NCOR2: variants seen among roughly 807,000 people sequenced by gnomAD.
The protein encoded by NCOR2 is nuclear receptor corepressor 2.
NCOR2 carries 81 observed loss-of-function variants against 262.9 expected under a neutral mutation model. That is an observed-to-expected ratio of 0.31 (90% CI 0.26 to 0.37). The LOEUF is 0.37. Among genes scored for constraint, NCOR2 ranks in the 10% least tolerant of loss-of-function variants. NCOR2 has a pLI of 1.00. For synonymous variants in NCOR2, 1,659 were observed against 1,559.3 expected, an observed-to-expected ratio of 1.06 and a Z score of -1.51; for missense variants, 3,385 against 3,621.4, an observed-to-expected ratio of 0.93 and a Z score of 1.68.
chr12:124,448,400 T>C (rs551394127), intron 7 of NCOR2, among the ~76,000 whole-genome samples: 464 of 152,290 alleles, frequency 3.0e-3, no homozygotes, highest in Non-Finnish European at 4.9e-3. Flanking sequence ...GGGCAATGAA[T>C]GAGCCCGCCA....
intron 37 of NCOR2, 102 bp downstream of exon 39, chr12:124,339,904 C>CCCCAACCCAAAAACA: frequency 1.3e-6 from 1 of 776,828 alleles, no homozygotes; most frequent in Non-Finnish European, 2.0e-6. Context: ...CCCACCCACC[C>CCCCAACCCAAAAACA]ACCTCCCATA....
chr12:124,530,777 C>T (rs1269088785), intron 1 of NCOR2, among the ~76,000 whole-genome samples: 3 of 152,184 alleles, frequency 2.0e-5, no homozygotes, highest in Admixed American at 2.0e-4. Flanking sequence ...AGAAAACTGC[C>T]AAGTAAAATG....
At chr12:124,558,261 C>T (rs898910048) in intron 1 of NCOR2, among the ~76,000 whole-genome samples, 5 of 121,142 alleles carry the variant, frequency 4.1e-5, no homozygotes, top group Non-Finnish European at 7.3e-5. Flanking sequence ...TCAACTCTCC[C>T]ACCCACCCCC....
chr12:124,338,967 C>T (rs976608192), intron 37 of NCOR2, among the ~76,000 whole-genome samples: 1 of 148,728 alleles, frequency 6.7e-6, no homozygotes, highest in South Asian at 2.2e-4. Flanking sequence ...ACCTACCTCC[C>T]TAACCCTACC....
rs870051 is a variant in NCOR2 at position 124,355,353 on chromosome 12, T to C, written c.3381+79A>G. 0.31 allele frequency: 473,081 copies of C among 1,532,562 alleles called. 77,429 individuals are homozygous for C. The highest frequency in any genetic ancestry group is 0.57 in the East Asian group (23,601 of 41,756). The allele number at this position is 1,532,562 out of a possible 1,614,324, so 94.9% of individuals were successfully genotyped here. A position where few individuals can be genotyped will look rare whatever the true frequency, so the allele number is the denominator to read the frequency against. ...AGGCCCCCGAGAGCCTGGCCCCCAC[T>C]CAGACTTCATTGGTCCCATTGCCCC... On this transcript the variant is annotated intron_variant, in intron 24 of 46. Coordinates refer to ENST00000405201, the Ensembl canonical transcript of NCOR2.
At chr12:124,465,412 C>T (rs1593664614) in intron 5 of NCOR2, among the ~76,000 whole-genome samples, 2 of 152,194 alleles carry the variant, frequency 1.3e-5, no homozygotes, top group South Asian at 4.1e-4. Context: ...CACAAGGTTC[C>T]ACCTTGGGGG....
intron 16 of NCOR2, among the ~76,000 whole-genome samples, chr12:124,397,847 T>C (rs1186482969): frequency 6.6e-6 from 1 of 152,224 alleles, no homozygotes; most frequent in Non-Finnish European, 1.5e-5. Flanking sequence ...ACTCGCTGAC[T>C]ACATGCACAG....
intron 1 of NCOR2, among the ~76,000 whole-genome samples, chr12:124,551,101 C>T (rs1041919014): frequency 3.9e-5 from 6 of 152,220 alleles, no homozygotes; most frequent in Non-Finnish European, 1.5e-5. Flanking sequence ...GATGCTGTGT[C>T]TATTACCCTT....
chr12:124,391,472 C>T (rs2041298773), intron 16 of NCOR2, among the ~76,000 whole-genome samples: 1 of 146,230 alleles, frequency 6.8e-6, no homozygotes, highest in African/African-American at 2.5e-5. Context: ...AGTCATGCCA[C>T]TTCCTCATTT....
intron 8 of NCOR2, among the ~76,000 whole-genome samples, chr12:124,434,672 G>C (rs1003866640): frequency 2.0e-5 from 3 of 152,310 alleles, no homozygotes; most frequent in East Asian, 3.9e-4. Context: ...ACCATGGGGG[G>C]CTGTCAAGGA....
intron 1 of NCOR2, among the ~76,000 whole-genome samples, chr12:124,491,950 G>A (rs1398394593): frequency 6.6e-6 from 1 of 152,200 alleles, no homozygotes; most frequent in Admixed American, 6.5e-5. Context: ...GCATATAGAA[G>A]CCTGGAGCAT....
At chr12:124,459,386 G>A (rs1427001286) in intron 5 of NCOR2, among the ~76,000 whole-genome samples, 2 of 152,086 alleles carry the variant, frequency 1.3e-5, no homozygotes, top group Non-Finnish European at 2.9e-5. Flanking sequence ...CACATCCCCT[G>A]CTCCCAGTGT....
chr12:124,438,183 C>T (rs1298035802), intron 7 of NCOR2, among the ~76,000 whole-genome samples, 187 bp from the exon 10 acceptor site: 1 of 152,120 alleles, frequency 6.6e-6, no homozygotes. Context: ...TACTCCCCCG[C>T]GCGCGAGGCA....
chr12:124,532,825 G>A (rs1017719521), intron 1 of NCOR2, among the ~76,000 whole-genome samples: 51 of 151,104 alleles, frequency 3.4e-4, no homozygotes, highest in Non-Finnish European at 8.8e-5. Context: ...AGAAAGCCCT[G>A]CTGAGTTCAT....
Position 124,517,230 on chromosome 12 carries a change from G to A in NCOR2, c.-118+18335C>T, listed in dbSNP as rs1252846449. Among the ~76,000 whole-genome samples the A allele has an allele frequency of 6.6e-6, 1 of 152,144 alleles. No homozygotes were observed. The highest frequency in any genetic ancestry group is 2.4e-5 in the African/African-American group (1 of 41,438). On this transcript the variant is annotated intron_variant, in intron 1 of 46. Coordinates refer to the NCOR2 transcript ENST00000404621. The surrounding 1 kb of genome is among the most constrained non-coding windows in gnomAD (Gnocchi z 7.6). The stretch of plus-strand genomic sequence containing the variant: ...TCAAACCCAGGTCTGTGGCAAAGGA[G>A]CAACATTGCCTGGAAGCCCAGCCCC...
At chr12:124,390,925 G>C (rs188535402) in intron 16 of NCOR2, among the ~76,000 whole-genome samples, 70 of 152,384 alleles carry the variant, frequency 4.6e-4, no homozygotes, top group African/African-American at 1.7e-3. Context: ...ACGCCGAGTG[G>C]AGAGCCAGGC....
intron 17 of NCOR2, among the ~76,000 whole-genome samples, chr12:124,380,871 A>G (rs1239552494): frequency 6.6e-6 from 1 of 152,172 alleles, no homozygotes; most frequent in African/African-American, 2.4e-5. Context: ...AGAGAGTCCC[A>G]GGAGTTACAG....
intron 3 of NCOR2, among the ~76,000 whole-genome samples, chr12:124,478,407 C>T (rs2047222819): frequency 6.6e-6 from 1 of 152,092 alleles, no homozygotes. Context: ...GGTGAATTCC[C>T]AAGGAAGTCT....
At chr12:124,429,446 A>G (rs1005263762) in intron 10 of NCOR2, 167 bp downstream of exon 12, 7 of 675,634 alleles carry the variant, frequency 1.0e-5, no homozygotes, top group African/African-American at 5.4e-5. Context: ...TCGCCCCTGC[A>G]GGCCTGGGAC....
Sources: allele counts gnomAD v4.1 joint callset (sites outside exome capture counted in the v4.1 genomes callset), GRCh38; gene constraint gnomAD v4.1.1; non-coding constraint Gnocchi (gnomAD v3.1); transcripts MANE v1.5; gene names NCBI Gene and HGNC (gene_info 2026-07-23, HGNC 2026-07-21).